The following CTNNA2 variants were observed in gnomAD, a reference collection of about 807,000 sequenced individuals.
The protein encoded by CTNNA2 is catenin alpha 2.
A neutral mutation model predicts 101.0 loss-of-function variants in CTNNA2; 42 were observed. That is an observed-to-expected ratio of 0.42 (90% CI 0.32 to 0.54). The LOEUF (loss-of-function observed/expected upper bound fraction) is 0.54, where lower values mean the gene tolerates loss of function less well. Ranked by LOEUF, CTNNA2 falls within the 20% of genes least tolerant of loss-of-function variation. The probability of loss-of-function intolerance (pLI) is 0.14; values close to 1 mark genes in which losing one functional copy is unlikely to be tolerated. For synonymous variants in CTNNA2, 450 were observed against 456.4 expected (o/e 0.99, Z 0.18); for missense variants, 871 against 1,223.1 (o/e 0.71, Z 4.29).
intron 3 of CTNNA2, among the ~76,000 whole-genome samples, chr2:79,818,848 T>TATATA (rs70940046): frequency 1.5e-5 from 2 of 135,402 alleles, no homozygotes; most frequent in African/African-American, 5.6e-5. Flanking sequence ...TATATATATA[T>TATATA]GGATGTATGT....
chr2:79,417,116 G>A (rs10496223), intron 4 of CTNNA2, among the ~76,000 whole-genome samples: 45,329 of 151,898 alleles, frequency 0.3, 6,897 homozygotes, highest in South Asian at 0.44. Flanking sequence ...AATCTTTTGA[G>A]TGTATTGGAC....
intron 2 of CTNNA2, among the ~76,000 whole-genome samples, chr2:79,229,475 C>A (rs1008443700): frequency 1.3e-5 from 2 of 152,298 alleles, no homozygotes; most frequent in Admixed American, 6.5e-5. Flanking sequence ...GAAGTGCCCT[C>A]CACCATGATT....
At chr2:79,431,630 A>G (rs1678660215) in intron 4 of CTNNA2, among the ~76,000 whole-genome samples, 1 of 152,322 alleles carries the variant, frequency 6.6e-6, no homozygotes, top group East Asian at 1.9e-4. Flanking sequence ...GCAAGGAAGG[A>G]CAGGGTAGAA....
intron 4 of CTNNA2, among the ~76,000 whole-genome samples, chr2:79,411,742 G>A (rs1031045740): frequency 6.6e-6 from 1 of 152,078 alleles, no homozygotes; most frequent in African/African-American, 2.4e-5. Context: ...GCTCCTGAAG[G>A]AAACACTAAA....
At chr2:80,242,821 G>C (rs879780262) in intron 7 of CTNNA2, among the ~76,000 whole-genome samples, 1 of 152,144 alleles carries the variant, frequency 6.6e-6, no homozygotes, top group East Asian at 1.9e-4. Flanking sequence ...AACTCTGGGT[G>C]GTGTGTTTTC....
At chr2:80,598,635 G>A (rs1697197180) in intron 15 of CTNNA2, among the ~76,000 whole-genome samples, 1 of 152,134 alleles carries the variant, frequency 6.6e-6, no homozygotes, top group Non-Finnish European at 1.5e-5. Context: ...CTACTCAAAT[G>A]TCCTTCATTG....
At chr2:79,417,257 G>A (rs1467171024) in intron 4 of CTNNA2, among the ~76,000 whole-genome samples, 3 of 152,062 alleles carry the variant, frequency 2.0e-5, no homozygotes, top group Admixed American at 2.0e-4. Context: ...CTTAGGATTT[G>A]GATTTCATAC....
At chr2:79,810,755 C>T (rs1190057897) in intron 3 of CTNNA2, among the ~76,000 whole-genome samples, 1 of 151,794 alleles carries the variant, frequency 6.6e-6, no homozygotes, top group Non-Finnish European at 1.5e-5. Context: ...TCAATTCCCA[C>T]CTATGAGTGA....
At chr2:79,767,222 G>T (rs973720342) in intron 3 of CTNNA2, among the ~76,000 whole-genome samples, 5 of 152,012 alleles carry the variant, frequency 3.3e-5, no homozygotes, top group Admixed American at 2.6e-4. Context: ...TCCGTTAAAT[G>T]TATCTGATAG....
At chr2:79,971,000 C>T (rs1034952017) in intron 7 of CTNNA2, among the ~76,000 whole-genome samples, 3 of 152,118 alleles carry the variant, frequency 2.0e-5, no homozygotes, top group Non-Finnish European at 4.4e-5. Context: ...ACACAAATGG[C>T]TTCTGTAGTC....
rs575010248 is a variant in CTNNA2, at chr2:80,151,580, T to G, written c.1057-241631T>G. The stretch of plus-strand genomic sequence containing the variant: ...CCCCTAGTGTTTCTAACACATATTT[T>G]TAGAAAGCACTTGACTTGGCAGTAC... On this transcript the variant is annotated intron_variant, in intron 7 of 18. Coordinates refer to ENST00000402739, the MANE Select transcript of CTNNA2 (RefSeq NM_001282597.3). 2.6e-5 allele frequency among the ~76,000 whole-genome samples: 4 copies of G among 152,348 alleles called. No individual in the cohort carries two copies. The South Asian group carries it at 8.3e-4, about 32-fold the overall frequency.
intron 2 of CTNNA2, among the ~76,000 whole-genome samples, chr2:79,258,886 A>G (rs1028893507): frequency 6.8e-6 from 1 of 146,344 alleles, no homozygotes; most frequent in Non-Finnish European, 1.5e-5. Flanking sequence ...AACGAATCTG[A>G]TTGTACCGAA....
At chr2:79,449,260 G>A (rs1263096264) in intron 4 of CTNNA2, among the ~76,000 whole-genome samples, 1 of 152,050 alleles carries the variant, frequency 6.6e-6, no homozygotes, top group Non-Finnish European at 1.5e-5. Flanking sequence ...GAGAATGGAA[G>A]TGATAAGAAA....
chr2:79,241,839 T>G (rs1271376900), intron 2 of CTNNA2, among the ~76,000 whole-genome samples: 1 of 152,214 alleles, frequency 6.6e-6, no homozygotes, highest in Non-Finnish European at 1.5e-5. Flanking sequence ...AGTGCAGGGT[T>G]AGGAGACTAA....
chr2:79,960,318 A>G (rs1689542235), intron 7 of CTNNA2, among the ~76,000 whole-genome samples: 1 of 152,222 alleles, frequency 6.6e-6, no homozygotes, highest in Admixed American at 6.5e-5. Context: ...GACATGTTTA[A>G]TATAACTCAC....
intron 4 of CTNNA2, among the ~76,000 whole-genome samples, chr2:79,418,738 T>A (rs1020702003): frequency 6.6e-5 from 10 of 152,122 alleles, no homozygotes; most frequent in Non-Finnish European, 1.5e-4. Flanking sequence ...TCATCAGTTA[T>A]AAATAGTTTC....
At chr2:79,507,478 C>A (rs975416959) in intron 5 of CTNNA2, among the ~76,000 whole-genome samples, 4 of 152,134 alleles carry the variant, frequency 2.6e-5, no homozygotes, top group African/African-American at 9.6e-5. Context: ...TGTCTCTTGC[C>A]TTTCCACCAT....
intron 7 of CTNNA2, among the ~76,000 whole-genome samples, chr2:80,229,220 G>T (rs1393483285): frequency 2.6e-5 from 4 of 152,038 alleles, no homozygotes; most frequent in Non-Finnish European, 5.9e-5. Flanking sequence ...TTCATACCAG[G>T]TATTTCTTCA....
intron 9 of CTNNA2, among the ~76,000 whole-genome samples, chr2:80,429,145 T>C (rs1331760615): frequency 2.6e-5 from 4 of 152,162 alleles, no homozygotes; most frequent in Non-Finnish European, 5.9e-5. Flanking sequence ...CCCCAATTCT[T>C]AAACCCTACC....
Sources: allele counts gnomAD v4.1 joint callset (sites outside exome capture counted in the v4.1 genomes callset), GRCh38; gene constraint gnomAD v4.1.1; transcripts MANE v1.5; gene names NCBI Gene and HGNC (gene_info 2026-07-23, HGNC 2026-07-21).